Variants in ABHD14B observed in about 807,000 individuals in gnomAD.
The protein encoded by ABHD14B is abhydrolase domain containing 14B, also known as putative protein-lysine deacylase ABHD14B.
In ABHD14B, 19 loss-of-function variants were observed where a neutral mutation model predicts 15.4. The ratio of observed to expected loss-of-function variants is 1.23; its 90% CI spans 0.86 to 1.81. The LOEUF is 1.81. ABHD14B is among the 40% of genes most tolerant of loss of function. The pLI is 0.00. For missense variants in ABHD14B, 243 were observed against 267.0 expected (o/e 0.91, Z 0.63); for synonymous variants, 92 against 117.3 (o/e 0.78, Z 1.39).
chr3:51,969,781 C>A, intron 3 of ABHD14B, 162 bp downstream of exon 3: 2 of 1,444,632 alleles, frequency 1.4e-6, no homozygotes, highest in South Asian at 1.2e-5. Flanking sequence ...TAGCACAGGG[C>A]TTGGCACAGT....
chr3:51,969,722 TG>T (rs2106796163), intron 3 of ABHD14B, 117 bp from the exon 4 acceptor site: 14 of 1,432,774 alleles, frequency 9.8e-6, no homozygotes, highest in Non-Finnish European at 1.3e-5. Context: ...AGAGACAAGC[TG>T]GCCCAGTGGG....
chr3:51,968,628 A>G lies in ABHD14B; in HGVS notation c.*798T>C, dbSNP rs1183504118. The G allele has an allele frequency of 6.6e-6, 1 of 151,988 alleles. No homozygotes were observed. The allele number at this position is 151,988 out of a possible 1,614,324, so 9.4% of individuals were successfully genotyped here. On this transcript the variant is annotated 3_prime_UTR_variant, in exon 4 of 4. Transcript: ENST00000361143. Reference sequence around the variant, plus strand: ...TCAGGCCTGGTAACCTGAGGTGTAGAGCACCCAGAAGGAAGGGTAAAAGCA... The same window carrying G: ...TCAGGCCTGGTAACCTGAGGTGTAGGGCACCCAGAAGGAAGGGTAAAAGCA...
In ABHD14B at chr3:51,971,468, T is replaced by G; in HGVS notation, c.203A>C (p.Asp68Ala). 1 of 1,581,318 alleles carries G rather than the reference T, an allele frequency of 6.3e-7. No homozygotes were observed. Among genetic ancestry groups the G allele is most frequent in the Non-Finnish European group, 8.6e-7 (1 of 1,160,462 alleles). ...AQAGYRAVAI[D>A]LPGLGHSKEA... ...GCCTGCCCCTTAAGTACCTGGCAGG[T>G]CAATGGCCACAGCCCGGTAGCCAGC... is the stretch of plus-strand genomic sequence containing the variant. The change falls in exon 2 of 4, where the codon GAC becomes GCC. Residue 68 changes from aspartate to alanine, a missense_variant. Asp to Ala is a moderately radical substitution (Grantham distance 126, BLOSUM62 -2). Coordinates refer to ENST00000361143, the MANE Select transcript of ABHD14B (RefSeq NM_001146314.2).
intron 3 of ABHD14B, 66 bp from the exon 4 acceptor site, chr3:51,969,671 C>T (rs1700616088): frequency 2.6e-6 from 4 of 1,546,708 alleles, no homozygotes; most frequent in Admixed American, 1.8e-5. Context: ...CCCAGCCCTC[C>T]CCACTTCAGT....
In ABHD14B at chr3:51,971,646, C is replaced by T. The variant is rs1477097683; in HGVS notation, c.25G>A (p.Glu9Lys). Residue 9 changes from glutamate to lysine, a missense_variant, in exon 2 of 4, where the codon GAG (glutamate) becomes AAG (lysine). Coordinates refer to ENST00000361143, the MANE Select transcript of ABHD14B (RefSeq NM_001146314.2). The part of the protein sequence containing the change: MAASVEQR[E>K]GTIQVQGQAL... ...TGGCCCTGCACCTGGATGGTGCCCT[C>T]GCGCTGCTCCACGCTTGCTGCCATG... 1.9e-6 allele frequency: 3 copies of T among 1,612,260 alleles called. No homozygotes were observed. The highest frequency in any genetic ancestry group is 1.3e-5 in the African/African-American group (1 of 75,020).
At chr3:51,971,202 T>C in intron 2 of ABHD14B, 1 of 489,084 alleles carries the variant, frequency 2.0e-6, no homozygotes, top group South Asian at 2.7e-5. Context: ...AAACAGAGGC[T>C]CAGAGACACT....
Position 51,973,980 on chromosome 3 carries a change from G to T in ABHD14B, c.-44C>A. ...GGGCGGGTACCTGGGGAGCTGCGTG[G>T]ACTCGCGCAGACGGGAAGCAGGCGC... On this transcript the variant is annotated 5_prime_UTR_variant, in exon 1 of 4. Coordinates refer to ENST00000361143, the MANE Select transcript of ABHD14B (RefSeq NM_001146314.2). 7.8e-7 allele frequency: 1 copy of T among 1,289,544 alleles called. No individual in the cohort carries two copies. The highest frequency in any genetic ancestry group is 1.0e-6 in the Non-Finnish European group (1 of 988,860). The allele number at this position is 1,289,544 out of a possible 1,614,324, so 79.9% of individuals were successfully genotyped here.
intron 1 of ABHD14B, chr3:51,973,739 CG>C (rs1700712891): frequency 2.5e-5 from 23 of 903,690 alleles, no homozygotes; most frequent in Non-Finnish European, 3.6e-5. Flanking sequence ...GCCGGGGATG[CG>C]GGGTGCTCAA....
chr3:51,974,043 G>A lies in ABHD14B; in HGVS notation c.-107C>T. 1 of 1,287,850 alleles carries A rather than the reference G, an allele frequency of 7.8e-7. No homozygotes were observed. Among genetic ancestry groups the A allele is most frequent in the Non-Finnish European group, 1.0e-6 (1 of 988,672 alleles). 79.8% of individuals were successfully genotyped at this position (1,287,850 alleles called of 1,614,324 possible). On this transcript the variant is annotated 5_prime_UTR_variant, in exon 1 of 4. Coordinates refer to ENST00000361143, the MANE Select transcript of ABHD14B (RefSeq NM_001146314.2). ...ACCTGGGGCCGGAGGAGGAACGCTG[G>A]GAAGAGGCCGGGCCCCATCCAGCGG...
chr3:51,969,759 C>T, intron 3 of ABHD14B, 154 bp from the exon 4 acceptor site: 2 of 1,405,066 alleles, frequency 1.4e-6, no homozygotes, highest in Non-Finnish European at 2.0e-6. Context: ...GTGTCTGCCC[C>T]AGAACACAGT....
At chr3:51,970,303 A>G in intron 2 of ABHD14B, 119 bp from the exon 3 acceptor site, 6 of 1,362,204 alleles carry the variant, frequency 4.4e-6, no homozygotes, top group Non-Finnish European at 5.9e-6. Flanking sequence ...AGGTTCCTGT[A>G]ACACCCAGTG....
At position 51,971,684 on chromosome 3, in the gene ABHD14B, G is replaced by C; in HGVS notation, c.-14C>G. ...GCTTGCTGCCATGCCTGCTGCTGCTGTGCTGGTGAAGGGCCTGTGGTTCAA... is the reference window on the plus strand; with the variant it reads ...GCTTGCTGCCATGCCTGCTGCTGCTCTGCTGGTGAAGGGCCTGTGGTTCAA... On this transcript the variant is annotated 5_prime_UTR_variant, in exon 2 of 4. Coordinates refer to ENST00000361143, the MANE Select transcript of ABHD14B (RefSeq NM_001146314.2). The C allele has an allele frequency of 1.2e-6, 2 of 1,609,576 alleles. No homozygotes were observed. Among genetic ancestry groups the C allele is most frequent in the Non-Finnish European group, 1.7e-6 (2 of 1,178,500 alleles).
Position 51,969,332 on chromosome 3 carries a change from A to T in ABHD14B, c.*94T>A. 1 of 1,394,640 alleles carries T rather than the reference A, an allele frequency of 7.2e-7. No homozygotes were observed. Among genetic ancestry groups the T allele is most frequent in the Non-Finnish European group, 9.8e-7 (1 of 1,025,638 alleles). The allele number at this position is 1,394,640 out of a possible 1,614,324, so 86.4% of individuals were successfully genotyped here. On this transcript the variant is annotated 3_prime_UTR_variant, in exon 4 of 4. Transcript: ENST00000361143. ...ACATATAGACAGACGCACCTGTTGC[A>T]TGTGCATGAGCCAGAGCCTGGGAGA...
chr3:51,974,084 C>T (rs778882234), upstream of ABHD14B: 4 of 1,276,916 alleles, frequency 3.1e-6, no homozygotes, highest in South Asian at 5.0e-5. Flanking sequence ...GGGACTGGGC[C>T]GTGCTCCGGG....
At chr3:51,971,326 C>T (rs1041706228) in intron 2 of ABHD14B, 134 bp downstream of exon 2, 4 of 1,077,946 alleles carry the variant, frequency 3.7e-6, no homozygotes, top group Non-Finnish European at 5.2e-6. Context: ...AAGTTCAGGG[C>T]CCAGCCTGGC....
intron 1 of ABHD14B, among the ~76,000 whole-genome samples, chr3:51,972,759 A>T (rs1700680876): frequency 6.6e-6 from 1 of 152,226 alleles, no homozygotes; most frequent in Admixed American, 6.5e-5. Flanking sequence ...TGCATGTACC[A>T]TGCCTAGCAC....
At position 51,971,431 on chromosome 3, in the gene ABHD14B, CCCTGCCCAGAAG is replaced by C. The variant is rs1700651328; in HGVS notation, c.211+17_211+28del. 3 of 1,527,404 alleles carry C rather than the reference CCCTGCCCAGAAG, an allele frequency of 2.0e-6. No individual in the cohort carries two copies. The highest frequency in any genetic ancestry group is 2.6e-6 in the Non-Finnish European group (3 of 1,135,526). The allele number at this position is 1,527,404 out of a possible 1,614,324, so 94.6% of individuals were successfully genotyped here. ...CTGTCCCTAATGAGACCTCCCCAAA[CCCTGCCCAGAAG>C]CCTGCCCCTTAAGTACCTGGCAGGT... is the stretch of plus-strand genomic sequence containing the variant. On this transcript the variant is annotated intron_variant, in intron 2 of 3. Coordinates refer to ENST00000361143, the MANE Select transcript of ABHD14B (RefSeq NM_001146314.2).
In ABHD14B at chr3:51,973,360, A is replaced by G. The variant is rs557292793; in HGVS notation, c.-29+605T>C. 7.5e-5 allele frequency among the ~76,000 whole-genome samples: 11 copies of G among 146,386 alleles called. No homozygotes were observed. The South Asian group carries it at 2.4e-3, about 31-fold the overall frequency. On this transcript the variant is annotated intron_variant, in intron 1 of 3. Transcript: ENST00000361143. ...CCACCGTGCACGGCCTAATTTTTATATTTTTAGTAGAAACGGGGTTTCATC... is the reference window on the plus strand; with the variant it reads ...CCACCGTGCACGGCCTAATTTTTATGTTTTTAGTAGAAACGGGGTTTCATC...
In ABHD14B at chr3:51,973,966, T is replaced by C. The variant is rs2106804831; in HGVS notation, c.-30A>G. On this transcript the variant is annotated splice_region_variant and 5_prime_UTR_variant, in exon 1 of 4. Transcript: ENST00000361143. The stretch of plus-strand genomic sequence containing the variant: ...GGGTCAGGAGTGCAGGGCGGGTACC[T>C]GGGGAGCTGCGTGGACTCGCGCAGA... The C allele has an allele frequency of 7.8e-7, 1 of 1,289,608 alleles. No individual in the cohort carries two copies. 79.9% of individuals were successfully genotyped at this position (1,289,608 alleles called of 1,614,324 possible).
Sources: gnomAD v4.1 joint callset for allele counts (sites outside exome capture counted in the v4.1 genomes callset) on GRCh38, gnomAD v4.1.1 for gene constraint, MANE v1.5 for transcripts, NCBI Gene and HGNC (gene_info 2026-07-23, HGNC 2026-07-21) for gene names.